Variants in CTBS observed in about 807,000 individuals in gnomAD.
CTBS encodes the protein chitobiase, also known as di-N-acetylchitobiase.
Under a neutral mutation model 44.3 loss-of-function variants are expected in CTBS, and 35 were observed. The ratio of observed to expected loss-of-function variants is 0.79; its 90% CI spans 0.60 to 1.05. CTBS has a LOEUF of 1.05. CTBS is among the 50% of genes least tolerant of loss of function. The pLI is 0.00. For synonymous variants in CTBS, 143 were observed against 168.0 expected (o/e 0.85, Z 1.15); for missense variants, 458 against 475.3 (o/e 0.96, Z 0.34).
chr1:84,562,144 C>T (rs939212980), intron 6 of CTBS, among the ~76,000 whole-genome samples: 2 of 152,136 alleles, frequency 1.3e-5, no homozygotes, highest in African/African-American at 4.8e-5. Context: ...ACTTCTCAAA[C>T]CCATTAATAT....
Position 84,553,062 on chromosome 1 carries a change from C to T in CTBS, c.*1937G>A, listed in dbSNP as rs980883204. 95 of 1,525,506 alleles carry T rather than the reference C, an allele frequency of 6.2e-5. No homozygotes were observed. Among genetic ancestry groups the T allele is most frequent in the Middle Eastern group, 1.7e-4 (1 of 5,924 alleles). 94.5% of individuals were successfully genotyped at this position (1,525,506 alleles called of 1,614,324 possible). On this transcript the variant is annotated 3_prime_UTR_variant, in exon 7 of 7. Transcript: ENST00000370630. ...GAGAAAACAAGCAGTTTCAGATTTA[C>T]GAACATTGAAAACTGAACTGGCACA...
At chr1:84,561,789 G>A (rs1359404352) in intron 6 of CTBS, among the ~76,000 whole-genome samples, 3 of 152,172 alleles carry the variant, frequency 2.0e-5, no homozygotes, top group South Asian at 2.1e-4. Context: ...TCAGATGATC[G>A]TTATCATTTT....
At chr1:84,570,833 T>A in intron 1 of CTBS, 113 bp from the exon 2 acceptor site, 1 of 1,022,336 alleles carries the variant, frequency 9.8e-7, no homozygotes, top group Non-Finnish European at 1.4e-6. Flanking sequence ...GCAGTGAGAG[T>A]ACAAGTGCAT....
chr1:84,564,062 T>C (rs7515692), intron 4 of CTBS: 5,456 of 167,642 alleles, frequency 0.033, 196 homozygotes, highest in African/African-American at 0.088. Context: ...ATTAAGATCA[T>C]ACTGAAATAA....
At chr1:84,557,533 CAAAAAAA>C (rs56101174) in intron 6 of CTBS, among the ~76,000 whole-genome samples, 1 of 55,436 alleles carries the variant, frequency 1.8e-5, no homozygotes, top group Non-Finnish European at 3.5e-5. Flanking sequence ...AACTCCATCT[CAAAAAAA>C]AAAAAAAAAA....
At chr1:84,555,319 A>G in intron 6 of CTBS, 120 bp from the exon 7 acceptor site, 1 of 674,956 alleles carries the variant, frequency 1.5e-6, no homozygotes, top group Non-Finnish European at 2.3e-6. Flanking sequence ...CCTAAATCCA[A>G]TTATTCAAAA....
In CTBS at chr1:84,553,351, C is replaced by A; in HGVS notation, c.*1648G>T. On this transcript the variant is annotated 3_prime_UTR_variant, in exon 7 of 7. Transcript: ENST00000370630. ...TCCAAGTCCTTTACATATTATTTTA[C>A]AGTGCTAATTTTATAATTTTCATTT... 4.9e-6 allele frequency: 1 copy of A among 205,594 alleles called. No homozygotes were observed. The allele number at this position is 205,594 out of a possible 1,614,324, so 12.7% of individuals were successfully genotyped here.
At chr1:84,557,265 G>A (rs1215178485) in intron 6 of CTBS, among the ~76,000 whole-genome samples, 1 of 152,186 alleles carries the variant, frequency 6.6e-6, no homozygotes, top group Non-Finnish European at 1.5e-5. Flanking sequence ...AGGCGCGATG[G>A]CTTACGCCTG....
In CTBS at chr1:84,570,577, C is replaced by T; in HGVS notation, c.316+5G>A. ...GCTGCACACATAGATCTGGAAACAA[C>T]ATACCTTTAAGTACTACTCTGGCTC... On this transcript the variant is annotated splice_donor_5th_base_variant and intron_variant, in intron 2 of 6. Coordinates refer to ENST00000370630, the MANE Select transcript of CTBS (RefSeq NM_004388.3). 1.2e-6 allele frequency: 2 copies of T among 1,605,010 alleles called. No individual in the cohort carries two copies. Among genetic ancestry groups the T allele is most frequent in the Non-Finnish European group, 8.5e-7 (1 of 1,174,888 alleles).
At position 84,550,800 on chromosome 1, in the gene CTBS, A is replaced by G. The variant is rs1475811428; in HGVS notation, c.*4199T>C. The G allele has an allele frequency of 9.8e-6, 10 of 1,021,510 alleles. No individual in the cohort carries two copies. The highest frequency in any genetic ancestry group is 5.6e-5 in the Admixed American group (1 of 17,714). 63.3% of individuals were successfully genotyped at this position (1,021,510 alleles called of 1,614,324 possible). A position where few individuals can be genotyped will look rare whatever the true frequency, so the allele number is the denominator to read the frequency against. On this transcript the variant is annotated 3_prime_UTR_variant, in exon 7 of 7. Coordinates refer to ENST00000370630, the MANE Select transcript of CTBS (RefSeq NM_004388.3). ...AAGGAAAAGGAACCTGTGAGTCAAT[A>G]TATTCTCAAAAAAAATTTTAAGTAG... is the stretch of plus-strand genomic sequence containing the variant.
rs892361616 is a variant in CTBS, at chr1:84,567,223, A to T, written c.526-1211T>A. ...CCGTGAATATTAGCACTTTATAATT[A>T]TAAGCTTTGCTCAGTAGTTTTCCAA... On this transcript the variant is annotated intron_variant, in intron 3 of 6. Coordinates refer to ENST00000370630, the MANE Select transcript of CTBS (RefSeq NM_004388.3). Among the ~76,000 whole-genome samples, 9 of 152,344 alleles carry T rather than the reference A, an allele frequency of 5.9e-5. No individual in the cohort carries two copies. The South Asian group carries it at 1.9e-3, about 32-fold the overall frequency.
intron 1 of CTBS, 94 bp from the exon 2 acceptor site, chr1:84,570,814 A>C: frequency 3.3e-6 from 4 of 1,212,938 alleles, no homozygotes; most frequent in Non-Finnish European, 4.7e-6. Context: ...TACACCAAAC[A>C]CTATGGTGGC....
chr1:84,554,832 A>T lies in CTBS; in HGVS notation c.*167T>A, dbSNP rs1684381468. On this transcript the variant is annotated 3_prime_UTR_variant, in exon 7 of 7. Coordinates refer to ENST00000370630, the MANE Select transcript of CTBS (RefSeq NM_004388.3). Reference sequence around the variant, plus strand: ...CTTGCCTTTATGTTCCTGGATACTGAGGACATTCGTGTGTATTTTTCAAAT... The same window carrying T: ...CTTGCCTTTATGTTCCTGGATACTGTGGACATTCGTGTGTATTTTTCAAAT... 8 of 575,272 alleles carry T rather than the reference A, an allele frequency of 1.4e-5. No individual in the cohort carries two copies. The highest frequency in any genetic ancestry group is 2.4e-5 in the Non-Finnish European group (8 of 333,718). 35.6% of individuals were successfully genotyped at this position (575,272 alleles called of 1,614,324 possible). A position where few individuals can be genotyped will look rare whatever the true frequency, so the allele number is the denominator to read the frequency against.
chr1:84,570,433 G>T, intron 2 of CTBS, 149 bp downstream of exon 2: 1 of 718,582 alleles, frequency 1.4e-6, no homozygotes, highest in South Asian at 2.0e-5. Flanking sequence ...CTGTGTTTGT[G>T]AAATGAATTA....
chr1:84,565,453 A>C (rs1380715110), intron 4 of CTBS, among the ~76,000 whole-genome samples: 1 of 152,196 alleles, frequency 6.6e-6, no homozygotes, highest in Non-Finnish European at 1.5e-5. Context: ...ATTATTTAAC[A>C]CTGGTTATTT....
At chr1:84,572,677 C>A (rs537445253) in intron 1 of CTBS, among the ~76,000 whole-genome samples, 1 of 145,984 alleles carries the variant, frequency 6.9e-6, no homozygotes, top group African/African-American at 2.6e-5. Flanking sequence ...TTTTTTTTCT[C>A]TTTTTTGAGA....
intron 6 of CTBS, among the ~76,000 whole-genome samples, chr1:84,557,295 G>A (rs895816857): frequency 6.6e-6 from 1 of 152,138 alleles, no homozygotes; most frequent in Admixed American, 6.5e-5. Context: ...CATTTTGGGA[G>A]GCCAAGATGG....
chr1:84,563,765 A>C lies in CTBS; in HGVS notation c.765T>G (p.Gly255=), dbSNP rs375409657. ...ACAGATTCAGGCAGGTATAATCATA[A>C]CCATACCAAGGAACACCCATTACAA... The part of the protein sequence containing the change: ...KKLVMGVPWY[G]YDYTCLNLSE... The change falls in exon 5 of 7, where the codon GGT becomes GGG. Residue 255 remains glycine, a synonymous_variant. Transcript: ENST00000370630. The C allele has an allele frequency of 5.0e-6, 8 of 1,608,168 alleles. No individual in the cohort carries two copies. In the East Asian group the frequency reaches 1.8e-4, roughly 36 times the overall value.
chr1:84,553,014 GA>G lies in CTBS; in HGVS notation c.*1984del, dbSNP rs1269939870. On this transcript the variant is annotated 3_prime_UTR_variant, in exon 7 of 7. Transcript: ENST00000370630. ...GAAGGGTATGATGAAGTTCATTTTT[GA>G]AAAGTAATTCTTTTTATAGATGAGA... 10 of 1,457,058 alleles carry G rather than the reference GA, an allele frequency of 6.9e-6. No homozygotes were observed. The highest frequency in any genetic ancestry group is 9.2e-6 in the Non-Finnish European group (10 of 1,082,992). 90.3% of individuals were successfully genotyped at this position (1,457,058 alleles called of 1,614,324 possible).
Sources: allele counts gnomAD v4.1 joint callset (sites outside exome capture counted in the v4.1 genomes callset), GRCh38; gene constraint gnomAD v4.1.1; transcripts MANE v1.5; gene names NCBI Gene and HGNC (gene_info 2026-07-23, HGNC 2026-07-21).